LRRCC1: variants seen among roughly 807,000 people sequenced by gnomAD.
LRRCC1 encodes the protein leucine rich repeat and coiled-coil centrosomal protein 1.
A neutral mutation model predicts 126.0 loss-of-function variants in LRRCC1; 115 were observed. That is an observed-to-expected ratio of 0.91 (90% CI 0.78 to 1.07). The LOEUF (loss-of-function observed/expected upper bound fraction) is 1.07, where lower values mean the gene tolerates loss of function less well. LRRCC1 is among the 50% of genes least tolerant of loss of function. The pLI is 0.00. For synonymous variants in LRRCC1, 400 were observed against 393.4 expected, an observed-to-expected ratio of 1.02 and a Z score of -0.20; for missense variants, 1,172 against 1,175.7, an observed-to-expected ratio of 1.00 and a Z score of 0.05.
At position 85,113,091 on chromosome 8, in the gene LRRCC1, G is replaced by A. The variant is rs76773098; in HGVS notation, c.536G>A (p.Arg179Gln). Residue 179 changes from arginine (R) to glutamine (Q), a missense_variant, in exon 4 of 19, where the codon CGA (arginine) becomes CAA (glutamine). Arg to Gln is a conservative substitution (Grantham distance 43, BLOSUM62 1). Coordinates refer to ENST00000360375, the MANE Select transcript of LRRCC1 (RefSeq NM_033402.5). ...EKDGDDNPVC[R>Q]LPGYRAVILQ... is the part of the protein sequence containing the mutation. ...GATGGAGACGATAATCCTGTCTGTC[G>A]ACTGCCAGGTATGAATAATTAATTT... The A allele has an allele frequency of 7.8e-4, 1,257 of 1,605,196 alleles. 4 individuals are homozygous for A. The African/African-American group carries it at 0.015, about 19-fold the overall frequency.
Position 85,145,997 on chromosome 8 carries a change from G to A in LRRCC1, c.*486G>A, listed in dbSNP as rs1811653875. The A allele has an allele frequency of 6.6e-6, 1 of 152,176 alleles. No individual in the cohort carries two copies. The highest frequency in any genetic ancestry group is 1.9e-4 in the East Asian group (1 of 5,208). 9.4% of individuals were successfully genotyped at this position (152,176 alleles called of 1,614,324 possible). On this transcript the variant is annotated 3_prime_UTR_variant, in exon 19 of 19. Coordinates refer to ENST00000360375, the MANE Select transcript of LRRCC1 (RefSeq NM_033402.5). ...TGGCATTCTTAAGAAAGTATATGTAGCCATCTCCACATCACTCATTATGAC... is the reference window on the plus strand; with the variant it reads ...TGGCATTCTTAAGAAAGTATATGTAACCATCTCCACATCACTCATTATGAC...
At chr8:85,127,424 C>T (rs906266239) in intron 9 of LRRCC1, among the ~76,000 whole-genome samples, 107 of 152,190 alleles carry the variant, frequency 7.0e-4, no homozygotes, top group African/African-American at 2.5e-3. Flanking sequence ...TTATTTCTAA[C>T]GTCATGCTTT....
intron 8 of LRRCC1, among the ~76,000 whole-genome samples, chr8:85,125,670 C>CAAAAAAAAAAAAAA (rs71273921): frequency 3.9e-5 from 2 of 51,922 alleles, no homozygotes; most frequent in African/African-American, 9.3e-5. Flanking sequence ...GAGACTCCGT[C>CAAAAAAAAAAAAAA]AAAAAAAAAA....
intron 6 of LRRCC1, among the ~76,000 whole-genome samples, chr8:85,118,719 T>G (rs1053980027): frequency 6.6e-6 from 1 of 152,188 alleles, no homozygotes; most frequent in African/African-American, 2.4e-5. Flanking sequence ...TAAATTGGGT[T>G]GTTTATCCAG....
At chr8:85,124,466 A>G (rs73688675) in intron 7 of LRRCC1, among the ~76,000 whole-genome samples, 15,845 of 152,092 alleles carry the variant, frequency 0.1, 1,631 homozygotes, top group African/African-American at 0.27. Context: ...GAGTAGTTCT[A>G]TTTACTGTCT....
At position 85,145,541 on chromosome 8, in the gene LRRCC1, G is replaced by C. The variant is rs866174335; in HGVS notation, c.*30G>C. On this transcript the variant is annotated 3_prime_UTR_variant, in exon 19 of 19. Coordinates refer to ENST00000360375, the MANE Select transcript of LRRCC1 (RefSeq NM_033402.5). ...TCTGAGAATGAATTTAATTGAAATA[G>C]ACCAGCAGACCTATTGTAAAAATGA... 1 of 1,535,298 alleles carries C rather than the reference G, an allele frequency of 6.5e-7. No individual in the cohort carries two copies.
intron 12 of LRRCC1, among the ~76,000 whole-genome samples, chr8:85,134,225 C>T (rs1346936136): frequency 6.6e-6 from 1 of 152,224 alleles, no homozygotes; most frequent in Non-Finnish European, 1.5e-5. Context: ...TATCATCTAA[C>T]ATGTTGTATA....
chr8:85,125,030 T>C, intron 8 of LRRCC1, 91 bp downstream of exon 8: 1 of 901,442 alleles, frequency 1.1e-6, no homozygotes, highest in Non-Finnish European at 1.6e-6. Context: ...TAGCAAAAAG[T>C]GTTTGAATTT....
chr8:85,144,148 A>G (rs1402927650), intron 18 of LRRCC1, among the ~76,000 whole-genome samples: 2 of 152,160 alleles, frequency 1.3e-5, no homozygotes, highest in African/African-American at 4.8e-5. Flanking sequence ...ATGGTAATAT[A>G]TAACCACCAA....
chr8:85,107,239 A>G lies in LRRCC1; in HGVS notation c.-57A>G. ...CCGCGCTTCCGGGAGGCTTGTCCCA[A>G]GCTCACGGACCCCTCGCTGGGTGCC... On this transcript the variant is annotated 5_prime_UTR_variant, in exon 1 of 19. Coordinates refer to ENST00000360375, the MANE Select transcript of LRRCC1 (RefSeq NM_033402.5). 5.2e-6 allele frequency: 8 copies of G among 1,528,208 alleles called. No homozygotes were observed. Among genetic ancestry groups the G allele is most frequent in the Non-Finnish European group, 7.1e-6 (8 of 1,131,022 alleles). The allele number at this position is 1,528,208 out of a possible 1,614,324, so 94.7% of individuals were successfully genotyped here. A position where few individuals can be genotyped will look rare whatever the true frequency, so the allele number is the denominator to read the frequency against.
Position 85,137,468 on chromosome 8 carries a change from T to C in LRRCC1, c.2334T>C (p.Ser778=). The change falls in exon 15 of 19, where the codon TCT becomes TCC. Residue 778 remains serine, a synonymous_variant. Transcript: ENST00000360375. ...TTGATGATTTTTGTTTCTTAGGATC[T>C]TCTCTAGCCCAAAATCGTGGAAAAT... The part of the protein sequence containing the change: ...VWGHELAQQG[S]SLAQNRGKLE... 6.5e-7 allele frequency: 1 copy of C among 1,549,408 alleles called. No homozygotes were observed. Among genetic ancestry groups the C allele is most frequent in the Non-Finnish European group, 8.6e-7 (1 of 1,157,866 alleles).
Position 85,115,389 on chromosome 8 carries a change from G to A in LRRCC1, c.735G>A (p.Met245Ile), listed in dbSNP as rs760523686. ...CTGTGTCATAGATCATTGATAGAAT[G>A]CCAGTGATAACAGCACCTATCGATG... ...NISEDEIIDRMPVITAPIDEL... is the reference protein window; with the variant it reads ...NISEDEIIDRIPVITAPIDEL... The change falls in exon 6 of 19, where the codon ATG becomes ATA. Residue 245 changes from methionine to isoleucine, a missense_variant. Coordinates refer to ENST00000360375, the MANE Select transcript of LRRCC1 (RefSeq NM_033402.5). 1.2e-6 allele frequency: 2 copies of A among 1,612,060 alleles called. No individual in the cohort carries two copies. Among genetic ancestry groups the A allele is most frequent in the Admixed American group, 3.3e-5 (2 of 59,954 alleles).
intron 9 of LRRCC1, 33 bp downstream of exon 9, chr8:85,126,870 C>T: frequency 6.4e-7 from 1 of 1,555,822 alleles, no homozygotes; most frequent in South Asian, 1.2e-5. Flanking sequence ...GAAGATACCT[C>T]ATAGCATAAA....
Position 85,135,981 on chromosome 8 carries a change from T to C in LRRCC1, c.2329+18T>C, listed in dbSNP as rs778595227. 2.6e-6 allele frequency: 4 copies of C among 1,538,142 alleles called. No individual in the cohort carries two copies. The highest frequency in any genetic ancestry group is 2.6e-6 in the Non-Finnish European group (3 of 1,142,334). On this transcript the variant is annotated intron_variant, in intron 14 of 18. Transcript: ENST00000360375. ...ACAACAAGGTAAAATTCTCAGATTT[T>C]CAAAGGGAAAATAGCTTATTCTTAT...
At chr8:85,112,843 T>C in intron 3 of LRRCC1, 89 bp from the exon 4 acceptor site, 2 of 956,508 alleles carry the variant, frequency 2.1e-6, no homozygotes, top group Non-Finnish European at 3.0e-6. Context: ...CGTTTGCCTC[T>C]AAAAGTATAA....
In LRRCC1 at chr8:85,138,396, G is replaced by A; in HGVS notation, c.2761G>A (p.Val921Ile). ...GELLCHLETQVKEVKEKFENK... is the reference protein window; with the variant it reads ...GELLCHLETQIKEVKEKFENK... ...ACTTCTATGTCATCTTGAAACACAA[G>A]TAAAAGAAGTGAAAGAAAAATTTGA... The change falls in exon 17 of 19, where the codon GTA becomes ATA. Residue 921 changes from valine (V) to isoleucine (I), a missense_variant. By Grantham distance (29) the Val-to-Ile change is conservative. Transcript: ENST00000360375. 1 of 1,612,466 alleles carries A rather than the reference G, an allele frequency of 6.2e-7. No individual in the cohort carries two copies. The highest frequency in any genetic ancestry group is 8.5e-7 in the Non-Finnish European group (1 of 1,179,192).
chr8:85,115,253 C>T lies in LRRCC1; in HGVS notation c.698C>T (p.Pro233Leu). 6.2e-7 allele frequency: 1 copy of T among 1,607,160 alleles called. No individual in the cohort carries two copies. Among genetic ancestry groups the T allele is most frequent in the Non-Finnish European group, 8.5e-7 (1 of 1,176,986 alleles). ...GATAATTTAGTTTCTTCTGATTCTC[C>T]CCTAAATATAAGTGAAGATGAGGTA... ...LLDNLVSSDS[P>L]LNISEDEIID... The change falls in exon 5 of 19, where the codon CCC becomes CTC. Residue 233 changes from proline to leucine, a missense_variant. By Grantham distance (98) the Pro-to-Leu change is moderately conservative. Transcript: ENST00000360375.
intron 8 of LRRCC1, among the ~76,000 whole-genome samples, chr8:85,125,354 A>G (rs568129987): frequency 2.0e-5 from 3 of 152,236 alleles, no homozygotes; most frequent in Admixed American, 1.3e-4. Context: ...CTGAAACTCA[A>G]TTTTGGACCA....
chr8:85,141,344 T>C (rs758423276), intron 17 of LRRCC1, 38 bp from the exon 18 acceptor site: 28 of 1,561,360 alleles, frequency 1.8e-5, no homozygotes, highest in Non-Finnish European at 2.5e-5. Flanking sequence ...TCACACCACA[T>C]ATACACATAT....
Sources: gnomAD v4.1 joint callset for allele counts (sites outside exome capture counted in the v4.1 genomes callset) on GRCh38, gnomAD v4.1.1 for gene constraint, MANE v1.5 for transcripts, NCBI Gene and HGNC (gene_info 2026-07-23, HGNC 2026-07-21) for gene names.